The following CLUH variants were observed in gnomAD, a reference collection of about 807,000 sequenced individuals.
CLUH encodes the protein clustered mitochondria protein homolog.
In CLUH, 77 loss-of-function variants were observed where a neutral mutation model predicts 139.3. The ratio of observed to expected loss-of-function variants is 0.55; its 90% CI spans 0.46 to 0.67. The LOEUF is 0.67. Among genes scored for constraint, CLUH ranks in the 30% least tolerant of loss-of-function variants. The pLI is 0.00. For synonymous variants in CLUH, 999 were observed against 801.6 expected, an observed-to-expected ratio of 1.25 and a Z score of -4.16; for missense variants, 1,876 against 1,875.8, an observed-to-expected ratio of 1.00 and a Z score of 0.00.
Position 2,696,902 on chromosome 17 carries a change from GCAT to G in CLUH, c.1999_2001del (p.Met667del). On this transcript the variant is annotated inframe_deletion, in exon 11 of 26. Transcript: ENST00000651024. ...GTCTCCAGCTGGCTGGCGTTCTGCT[GCAT>G]CAGCTGCAAGGCGGCCAGCTTCATA... The G allele has an allele frequency of 6.2e-7, 1 of 1,608,856 alleles. No individual in the cohort carries two copies. The highest frequency in any genetic ancestry group is 8.5e-7 in the Non-Finnish European group (1 of 1,177,852).
Position 2,690,364 on chromosome 17 carries a change from T to G in CLUH, c.*230A>C. On this transcript the variant is annotated 3_prime_UTR_variant, in exon 26 of 26. Transcript: ENST00000651024. ...CGGGAACTGATGGCCGCACACGCCA[T>G]TCACGTGTCTCCAATGGGGCCTCTG... 1 of 432,170 alleles carries G rather than the reference T, an allele frequency of 2.3e-6. No individual in the cohort carries two copies. The highest frequency in any genetic ancestry group is 4.1e-6 in the Non-Finnish European group (1 of 246,592). The allele number at this position is 432,170 out of a possible 1,614,324, so 26.8% of individuals were successfully genotyped here. A position where few individuals can be genotyped will look rare whatever the true frequency, so the allele number is the denominator to read the frequency against.
rs2070142503 is a variant in CLUH, at chr17:2,700,560, A to C, written c.1174-86T>G. On this transcript the variant is annotated intron_variant, in intron 8 of 25. Transcript: ENST00000651024. ...AAGTCGCTCCTTCTACCTTCCTGAGAAGAGCCCCAGACTCCCAAATGAAGT... is the reference window on the plus strand; with the variant it reads ...AAGTCGCTCCTTCTACCTTCCTGAGCAGAGCCCCAGACTCCCAAATGAAGT... The C allele has an allele frequency of 1.9e-6, 3 of 1,550,952 alleles. No individual in the cohort carries two copies. The Admixed American group carries it at 5.5e-5, about 28-fold the overall frequency.
At chr17:2,697,260 G>A (rs1350686541) in intron 10 of CLUH, among the ~76,000 whole-genome samples, 3 of 152,160 alleles carry the variant, frequency 2.0e-5, no homozygotes, top group Admixed American at 1.3e-4. Flanking sequence ...TTAGCTGGGC[G>A]TGGTGGTGCA....
intron 17 of CLUH, 88 bp from the exon 18 acceptor site, chr17:2,694,364 C>T (rs755228514): frequency 3.3e-4 from 509 of 1,521,908 alleles, no homozygotes; most frequent in Non-Finnish European, 4.3e-4. Flanking sequence ...TGCGCACAGA[C>T]GGCTACCGTG....
chr17:2,698,129 G>C lies in CLUH; in HGVS notation c.1728C>G (p.Asp576Glu). The C allele has an allele frequency of 6.3e-7, 1 of 1,591,232 alleles. No homozygotes were observed. The highest frequency in any genetic ancestry group is 8.5e-7 in the Non-Finnish European group (1 of 1,170,188). The change falls in exon 10 of 26, where the codon GAC (aspartate) becomes GAG (glutamate). Residue 576 changes from aspartate to glutamate, a missense_variant. Around this residue, in one of 3 missense-constraint regions of CLUH, gnomAD observed 1,454 missense variants for 1,384.4 expected, o/e 1.05. Coordinates refer to ENST00000651024, the MANE Select transcript of CLUH (RefSeq NM_001366661.1). Reference protein sequence around the residue: ...LKILRHQVLNDRDEEVELCSS... With the variant: ...LKILRHQVLNERDEEVELCSS... ...AGCAGAGCTCCACCTCCTCGTCACG[G>C]TCGTTGAGCACCTGGTGCCGCAGGA...
Position 2,690,574 on chromosome 17 carries a change from C to CT in CLUH, c.*19dup, listed in dbSNP as rs746170977. 7.0e-7 allele frequency: 1 copy of CT among 1,430,372 alleles called. No individual in the cohort carries two copies. The allele number at this position is 1,430,372 out of a possible 1,614,324, so 88.6% of individuals were successfully genotyped here. On this transcript the variant is annotated 3_prime_UTR_variant, in exon 26 of 26. Transcript: ENST00000651024. ...CCCTGGTGACGGGGCCGCTGGCTGG[C>CT]TGTCCGTCTGGCTCCCTCTCTATCC...
chr17:2,700,481 A>C lies in CLUH; in HGVS notation c.1174-7T>G. On this transcript the variant is annotated splice_polypyrimidine_tract_variant and splice_region_variant and intron_variant, in intron 8 of 25. Coordinates refer to ENST00000651024, the MANE Select transcript of CLUH (RefSeq NM_001366661.1). ...CCTCATTCCAGTCTCGGGTCTGCAG[A>C]GAGATCAGGGAGGGAAAAACGAGCT... 1 of 1,609,478 alleles carries C rather than the reference A, an allele frequency of 6.2e-7. No homozygotes were observed. Among genetic ancestry groups the C allele is most frequent in the African/African-American group, 1.3e-5 (1 of 74,954 alleles).
intron 25 of CLUH, 157 bp downstream of exon 25, chr17:2,691,452 C>T: frequency 1.4e-6 from 1 of 715,100 alleles, no homozygotes; most frequent in Non-Finnish European, 2.4e-6. Flanking sequence ...ATCCCAGCTA[C>T]TGGGGAGGCT....
chr17:2,690,540 A>G lies in CLUH; in HGVS notation c.*54T>C. ...CCGCAGGCTCGCCCCCTTCTCCCGC[A>G]GTCGGGCTCCCTGGTGACGGGGCCG... On this transcript the variant is annotated 3_prime_UTR_variant, in exon 26 of 26. Coordinates refer to ENST00000651024, the MANE Select transcript of CLUH (RefSeq NM_001366661.1). The G allele has an allele frequency of 7.3e-7, 1 of 1,378,480 alleles. No individual in the cohort carries two copies. Among genetic ancestry groups the G allele is most frequent in the Non-Finnish European group, 9.5e-7 (1 of 1,057,020 alleles). 85.4% of individuals were successfully genotyped at this position (1,378,480 alleles called of 1,614,324 possible). A position where few individuals can be genotyped will look rare whatever the true frequency, so the allele number is the denominator to read the frequency against.
chr17:2,698,256 T>C lies in CLUH; in HGVS notation c.1601A>G (p.Gln534Arg). Residue 534 changes from glutamine (Q) to arginine (R), a missense_variant, in exon 10 of 26, where the codon CAG becomes CGG. By Grantham distance (43) the Gln-to-Arg change is conservative. This residue lies in a region of CLUH where 1,454 missense variants were observed against 1,384.4 expected (regional missense o/e 1.05). Transcript: ENST00000651024. ...SIIPGILERD[Q>R]EQSVIYGSID... ...GGAGCCGTAGATGACGCTCTGCTCC[T>C]GGTCCCGCTCCAGGATGCCGGGGAT... 1 of 1,607,088 alleles carries C rather than the reference T, an allele frequency of 6.2e-7. No individual in the cohort carries two copies. Among genetic ancestry groups the C allele is most frequent in the East Asian group, 2.2e-5 (1 of 44,494 alleles).
chr17:2,701,088 C>T, intron 7 of CLUH, 52 bp downstream of exon 7: 1 of 1,612,116 alleles, frequency 6.2e-7, no homozygotes, highest in Admixed American at 1.7e-5. Flanking sequence ...GGCCGGCTCA[C>T]CCCATGCCCC....
At position 2,690,137 on chromosome 17, in the gene CLUH, T is replaced by A. The variant is rs2069566071; in HGVS notation, c.*457A>T. The A allele has an allele frequency of 6.4e-6, 1 of 156,808 alleles. No individual in the cohort carries two copies. 9.7% of individuals were successfully genotyped at this position (156,808 alleles called of 1,614,324 possible). A position where few individuals can be genotyped will look rare whatever the true frequency, so the allele number is the denominator to read the frequency against. Reference sequence around the variant, plus strand: ...TCAGACAGGCTGGGCCCGGGGGTGGTGGCAGCCAAAGCAGCAGCCATCATG... The same window carrying A: ...TCAGACAGGCTGGGCCCGGGGGTGGAGGCAGCCAAAGCAGCAGCCATCATG... On this transcript the variant is annotated 3_prime_UTR_variant, in exon 26 of 26. Transcript: ENST00000651024.
intron 23 of CLUH, 36 bp from the exon 24 acceptor site, chr17:2,691,931 GCCCCCGCGGCCCCGCCCCCGC>G (rs2069663824): frequency 2.7e-6 from 3 of 1,124,112 alleles, no homozygotes; most frequent in African/African-American, 2.2e-5. Flanking sequence ...GCCCCCCCGT[GCCCCCGCGGCCCCGCCCCCGC>G]CCCGCCACGC....
rs774888368 is a variant in CLUH at position 2,691,979 on chromosome 17, C to CCCCGCCCCCG, written c.3654+24_3654+25insCGGGGGCGGG. 2.1e-4 allele frequency: 148 copies of CCCCGCCCCCG among 709,986 alleles called. 1 individual carries two copies. In the East Asian group the frequency reaches 8.2e-3, roughly 39 times the overall value. 44.0% of individuals were successfully genotyped at this position (709,986 alleles called of 1,614,324 possible). On this transcript the variant is annotated intron_variant, in intron 23 of 25. Transcript: ENST00000651024. ...CCGCCACGCCCCCGCCCCGCCCCCGCCCCCGCCACGCCCCCGCCGCGCACC... is the reference window on the plus strand; with the variant it reads ...CCGCCACGCCCCCGCCCCGCCCCCGCCCCGCCCCCGCCCCGCCACGCCCCCGCCGCGCACC...
intron 23 of CLUH, 37 bp downstream of exon 23, chr17:2,691,967 G>GCCACGC (rs2069683462): frequency 6.9e-6 from 5 of 728,644 alleles, no homozygotes; most frequent in African/African-American, 7.0e-5. Context: ...CCACGCCCCC[G>GCCACGC]CCCCGCCCCC....
In CLUH at chr17:2,708,804, G is replaced by A. The variant is rs114426774; in HGVS notation, c.100+2758C>T. Among the ~76,000 whole-genome samples the A allele has an allele frequency of 7.8e-3, 1,176 of 151,158 alleles. 12 individuals are homozygous for A. Among genetic ancestry groups the A allele is most frequent in the African/African-American group, 0.027 (1,109 of 41,178 alleles). Reference sequence around the variant, plus strand: ...CCACCCACCCCCTCCCGAGGGGCCCGGCAGCACCCACAGGTAGGCTGCACC... The same window carrying A: ...CCACCCACCCCCTCCCGAGGGGCCCAGCAGCACCCACAGGTAGGCTGCACC... On this transcript the variant is annotated intron_variant, in intron 1 of 25. Coordinates refer to ENST00000651024, the MANE Select transcript of CLUH (RefSeq NM_001366661.1).
chr17:2,691,848 C>G lies in CLUH; in HGVS notation c.3702G>C (p.Lys1234Asn). Residue 1234 changes from lysine (K) to asparagine (N), a missense_variant, in exon 24 of 26, where the codon AAG becomes AAC. Transcript: ENST00000651024. Reference sequence around the variant, plus strand: ...GGGCCACGGCCTGCTGGGTCAGGCACTTGAGGTACTCGGAGCTTTCCTTGG... The same window carrying G: ...GGGCCACGGCCTGCTGGGTCAGGCAGTTGAGGTACTCGGAGCTTTCCTTGG... Reference protein sequence around the residue: ...EKTKESSEYLKCLTQQAVALQ... With the variant: ...EKTKESSEYLNCLTQQAVALQ... 1.3e-6 allele frequency: 2 copies of G among 1,554,122 alleles called. No individual in the cohort carries two copies. The highest frequency in any genetic ancestry group is 1.7e-6 in the Non-Finnish European group (2 of 1,150,502).
At chr17:2,708,102 G>A (rs548435571) in intron 1 of CLUH, 17 of 641,434 alleles carry the variant, frequency 2.7e-5, no homozygotes, top group African/African-American at 2.0e-4. Flanking sequence ...TGGCCAGGGC[G>A]CCTTCCCAGG....
Position 2,711,619 on chromosome 17 carries a change from C to A in CLUH, c.43G>T (p.Asp15Tyr), listed in dbSNP as rs2070526957. The change falls in exon 1 of 26, where the codon GAC becomes TAC. Residue 15 changes from aspartate (D) to tyrosine (Y), a missense_variant. Around this residue, in one of 3 missense-constraint regions of CLUH, gnomAD observed 152 missense variants for 136.7 expected, o/e 1.11. Transcript: ENST00000651024. ...TDELPAAAPA[D>Y]SAREHGSQAG... is the part of the protein sequence containing the mutation. ...TGCGAGCCGTGTTCCCGGGCGCTGT[C>A]GGCCGGGGCGGCCGCCGGCAACTCG... 1 of 983,798 alleles carries A rather than the reference C, an allele frequency of 1.0e-6. No individual in the cohort carries two copies. The highest frequency in any genetic ancestry group is 4.7e-5 in the South Asian group (1 of 21,268). 60.9% of individuals were successfully genotyped at this position (983,798 alleles called of 1,614,324 possible).
Sources: allele counts gnomAD v4.1 joint callset (sites outside exome capture counted in the v4.1 genomes callset), GRCh38; gene constraint gnomAD v4.1.1; regional missense constraint gnomAD v4.1.1; transcripts MANE v1.5; gene names NCBI Gene and HGNC (gene_info 2026-07-23, HGNC 2026-07-21).